The following ZNF749 variants were observed in gnomAD, a reference collection of about 807,000 sequenced individuals.
ZNF749 encodes the protein zinc finger protein 749.
In ZNF749, 8 loss-of-function variants were observed where a neutral mutation model predicts 7.3. That is an observed-to-expected ratio of 1.10 (90% CI 0.64 to 1.98). The LOEUF (loss-of-function observed/expected upper bound fraction) is 1.98. Ranked by LOEUF, ZNF749 falls within the 30% of genes most tolerant of loss-of-function variation. The pLI is 0.00. For missense variants in ZNF749, 898 were observed against 932.4 expected (o/e 0.96, Z 0.48); for synonymous variants, 310 against 322.4 (o/e 0.96, Z 0.41).
chr19:57,431,470 C>T (rs968330456), upstream of ZNF749, among the ~76,000 whole-genome samples: 6 of 151,992 alleles, frequency 3.9e-5, no homozygotes, highest in African/African-American at 1.2e-4. Context: ...GGAAAGGAGA[C>T]GATTTCAATT....
chr19:57,430,817 A>G (rs534425039), upstream of ZNF749, among the ~76,000 whole-genome samples: 1 of 152,256 alleles, frequency 6.6e-6, no homozygotes, highest in East Asian at 1.9e-4. Context: ...CAAGGTGGGC[A>G]GATCACGAGG....
rs746792824 is a variant in ZNF749 at position 57,444,664 on chromosome 19, A to G, written c.1516A>G (p.Thr506Ala). The G allele has an allele frequency of 6.2e-7, 1 of 1,613,472 alleles. No individual in the cohort carries two copies. Among genetic ancestry groups the G allele is most frequent in the Admixed American group, 1.7e-5 (1 of 59,912 alleles). Residue 506 changes from threonine (T) to alanine (A), a missense_variant, in exon 3 of 3, where the codon ACT (threonine) becomes GCT (alanine). Physicochemically the swap from Thr to Ala is moderately conservative, Grantham distance 58 (BLOSUM62 0). Transcript: ENST00000334181. ...AHLVGHQKIH[T>A]GERPYECTQC... ...TCTGGTTGGTCACCAGAAAATCCATACTGGAGAACGGCCTTATGAATGCAC... is the reference window on the plus strand; with the variant it reads ...TCTGGTTGGTCACCAGAAAATCCATGCTGGAGAACGGCCTTATGAATGCAC...
chr19:57,445,304 C>A lies in ZNF749; in HGVS notation c.2156C>A (p.Thr719Asn). 2 of 1,613,884 alleles carry A rather than the reference C, an allele frequency of 1.2e-6. No individual in the cohort carries two copies. Among genetic ancestry groups the A allele is most frequent in the African/African-American group, 2.7e-5 (2 of 75,012 alleles). Residue 719 changes from threonine (T) to asparagine (N), a missense_variant, in exon 3 of 3, where the codon ACT (threonine) becomes AAT (asparagine). Transcript: ENST00000334181. ...SSLIIHQQSHTGESPFKLREC... is the reference protein window; with the variant it reads ...SSLIIHQQSHNGESPFKLREC... ...CTTATTATACATCAGCAGTCTCACACTGGAGAAAGTCCTTTTAAGTTAAGG... is the reference window on the plus strand; with the variant it reads ...CTTATTATACATCAGCAGTCTCACAATGGAGAAAGTCCTTTTAAGTTAAGG...
rs757940280 is a variant in ZNF749 at position 57,444,035 on chromosome 19, C to A, written c.887C>A (p.Thr296Lys). The change falls in exon 3 of 3, where the codon ACA becomes AAA. Residue 296 changes from threonine to lysine, a missense_variant. Thr to Lys is a moderately conservative substitution (Grantham distance 78). Coordinates refer to ENST00000334181, the MANE Select transcript of ZNF749 (RefSeq NM_001023561.4). ...CATCAGGAGATTCTCAGTAGACCAA[C>A]ACCTTATGAATGCACCCAGTGTGGG... ...IEHQEILSRP[T>K]PYECTQCGKA... 4 of 1,613,956 alleles carry A rather than the reference C, an allele frequency of 2.5e-6. No homozygotes were observed. In the South Asian group the frequency reaches 3.3e-5, roughly 13 times the overall value.
rs144908106 is a variant in ZNF749 at position 57,446,368 on chromosome 19, G to C, written c.*883G>C. ...CTGTCCCTGATGCGTGGAAAAATTG[G>C]CTTCCATGAAACCAGTCCCTGGTGC... On this transcript the variant is annotated 3_prime_UTR_variant, in exon 3 of 3. Coordinates refer to ENST00000334181, the MANE Select transcript of ZNF749 (RefSeq NM_001023561.4). 0.02 allele frequency among the ~76,000 whole-genome samples: 3,081 copies of C among 152,212 alleles called. 35 individuals carry two copies. The highest frequency in any genetic ancestry group is 0.044 in the South Asian group (212 of 4,814).
the ZNF749 span, among the ~76,000 whole-genome samples, chr19:57,429,892 G>C: frequency 6.6e-6 from 1 of 152,132 alleles, no homozygotes; most frequent in Non-Finnish European, 1.5e-5. This position sits in a 1 kb window ranked among gnomAD's most constrained non-coding sequence, Gnocchi z 4.2. Flanking sequence ...GTGTTCTTCT[G>C]TTTCTTTTAA....
In ZNF749 at chr19:57,445,360, A is replaced by G. The variant is rs775393686; in HGVS notation, c.2212A>G (p.Thr738Ala). The G allele has an allele frequency of 6.2e-7, 1 of 1,613,800 alleles. No homozygotes were observed. Among genetic ancestry groups the G allele is most frequent in the Non-Finnish European group, 8.5e-7 (1 of 1,179,818 alleles). ...ECGKDFNKCN[T>A]GQRQKTHTGE... ...TGGGAAAGACTTCAACAAATGTAAT[A>G]CTGGTCAGCGCCAAAAAACTCACAC... is the stretch of plus-strand genomic sequence containing the variant. Residue 738 changes from threonine to alanine, a missense_variant, in exon 3 of 3, where the codon ACT (threonine) becomes GCT (alanine). Physicochemically the swap from Thr to Ala is moderately conservative, Grantham distance 58. Transcript: ENST00000334181.
In ZNF749 at chr19:57,445,248, A is replaced by G. The variant is rs774277400; in HGVS notation, c.2100A>G (p.Lys700=). Residue 700 remains lysine, a synonymous_variant, in exon 3 of 3, where the codon AAA becomes AAG. Coordinates refer to ENST00000334181, the MANE Select transcript of ZNF749 (RefSeq NM_001023561.4). ...CTGEKPHECS[K]CRELFRTKSS... ...GGGAGAAGCCTCATGAGTGCAGTAAATGTAGGGAATTGTTTAGGACTAAAT... is the reference window on the plus strand; with the variant it reads ...GGGAGAAGCCTCATGAGTGCAGTAAGTGTAGGGAATTGTTTAGGACTAAAT... 1.9e-6 allele frequency: 3 copies of G among 1,613,894 alleles called. No individual in the cohort carries two copies. Among genetic ancestry groups the G allele is most frequent in the African/African-American group, 1.3e-5 (1 of 74,932 alleles).
chr19:57,432,423 G>T (rs187572534), upstream of ZNF749, among the ~76,000 whole-genome samples: 447 of 151,616 alleles, frequency 2.9e-3, 1 homozygote, highest in Non-Finnish European at 4.8e-3. Flanking sequence ...TTAGCCAGGT[G>T]TGGTGGCACG....
chr19:57,443,078 T>C (rs2089009063), intron 2 of ZNF749, among the ~76,000 whole-genome samples: 1 of 152,120 alleles, frequency 6.6e-6, no homozygotes, highest in African/African-American at 2.4e-5. Context: ...GCATGGTACT[T>C]CTCCCTTGTG....
chr19:57,441,567 G>T (rs968097122), intron 1 of ZNF749, among the ~76,000 whole-genome samples: 1 of 152,078 alleles, frequency 6.6e-6, no homozygotes, highest in African/African-American at 2.4e-5. Flanking sequence ...ACTGTATTGG[G>T]GTTTTGGCAG....
chr19:57,429,145 C>T, the ZNF749 span, among the ~76,000 whole-genome samples: 42 of 152,264 alleles, frequency 2.8e-4, no homozygotes, highest in African/African-American at 9.9e-4. This position sits in a 1 kb window ranked among gnomAD's most constrained non-coding sequence, Gnocchi z 4.2. Flanking sequence ...CTGCCTTAGC[C>T]TCCTGAGTAG....
rs918619641 is a variant in ZNF749 at position 57,442,650 on chromosome 19, A to T, written c.142+639A>T. ...TCTATTAATGGCAAGAGACACTCAGAAGGACTTGGCCCTGGTGGGTGAAAG... is the reference window on the plus strand; with the variant it reads ...TCTATTAATGGCAAGAGACACTCAGTAGGACTTGGCCCTGGTGGGTGAAAG... On this transcript the variant is annotated intron_variant, in intron 2 of 2. Transcript: ENST00000334181. The surrounding 1 kb of genome is among the most constrained non-coding windows in gnomAD (Gnocchi z 6.6). 6.6e-6 allele frequency among the ~76,000 whole-genome samples: 1 copy of T among 152,158 alleles called. No individual in the cohort carries two copies. Among genetic ancestry groups the T allele is most frequent in the Non-Finnish European group, 1.5e-5 (1 of 68,036 alleles).
Position 57,435,533 on chromosome 19 carries a change from G to A in ZNF749, c.-46G>A, listed in dbSNP as rs754234448. On this transcript the variant is annotated 5_prime_UTR_variant, in exon 1 of 3. Coordinates refer to ENST00000334181, the MANE Select transcript of ZNF749 (RefSeq NM_001023561.4). ...CTCCGTCAGCGTCCAGGTGACCGCC[G>A]TTCCCGCCCCGCTCTTCCCTGGGTG... 2 of 1,588,024 alleles carry A rather than the reference G, an allele frequency of 1.3e-6. No individual in the cohort carries two copies. Among genetic ancestry groups the A allele is most frequent in the African/African-American group, 1.3e-5 (1 of 74,628 alleles).
upstream of ZNF749, among the ~76,000 whole-genome samples, chr19:57,430,805 G>A (rs1233073998): frequency 6.6e-6 from 1 of 152,132 alleles, no homozygotes; most frequent in Admixed American, 6.6e-5. Flanking sequence ...ACTTTGGGAG[G>A]CCAAGGTGGG....
Position 57,443,757 on chromosome 19 carries a change from A to G in ZNF749, c.609A>G (p.Lys203=). The change falls in exon 3 of 3, where the codon AAA becomes AAG. Residue 203 remains lysine (K), a synonymous_variant. Transcript: ENST00000334181. ...ATTTCAACTCCAGCCAAGGTGGGAAAGACTTTTGCCACCAACATGGGCTGT... is the reference window on the plus strand; with the variant it reads ...ATTTCAACTCCAGCCAAGGTGGGAAGGACTTTTGCCACCAACATGGGCTGT... ...QNDFNSSQGG[K]DFCHQHGLFE... 1 of 1,614,226 alleles carries G rather than the reference A, an allele frequency of 6.2e-7. No homozygotes were observed. The highest frequency in any genetic ancestry group is 2.2e-5 in the East Asian group (1 of 44,886).
Position 57,435,562 on chromosome 19 carries a change from T to C in ZNF749, c.-17T>C. 1 of 1,603,604 alleles carries C rather than the reference T, an allele frequency of 6.2e-7. No homozygotes were observed. Among genetic ancestry groups the C allele is most frequent in the Non-Finnish European group, 8.5e-7 (1 of 1,176,506 alleles). On this transcript the variant is annotated 5_prime_UTR_variant, in exon 1 of 3. Coordinates refer to ENST00000334181, the MANE Select transcript of ZNF749 (RefSeq NM_001023561.4). Reference sequence around the variant, plus strand: ...CCGCCCCGCTCTTCCCTGGGTGGACTGGAGGAGGCCGCGCCGATGAACCTG... The same window carrying C: ...CCGCCCCGCTCTTCCCTGGGTGGACCGGAGGAGGCCGCGCCGATGAACCTG...
In ZNF749 at chr19:57,435,350, C is replaced by G. The variant is rs944859513; in HGVS notation, c.-229C>G. 1.4e-5 allele frequency: 9 copies of G among 635,094 alleles called. No individual in the cohort carries two copies. The highest frequency in any genetic ancestry group is 2.5e-5 in the Non-Finnish European group (9 of 367,018). 39.3% of individuals were successfully genotyped at this position (635,094 alleles called of 1,614,324 possible). On this transcript the variant is annotated 5_prime_UTR_variant, in exon 1 of 3. Coordinates refer to ENST00000334181, the MANE Select transcript of ZNF749 (RefSeq NM_001023561.4). Reference sequence around the variant, plus strand: ...ACTTCTGGCGGCGCCCTCATGGTTGCGTTAGCATGGCTACCTAGGGATCTG... The same window carrying G: ...ACTTCTGGCGGCGCCCTCATGGTTGGGTTAGCATGGCTACCTAGGGATCTG...
chr19:57,443,280 T>C lies in ZNF749; in HGVS notation c.143-11T>C, dbSNP rs1405792429. On this transcript the variant is annotated splice_polypyrimidine_tract_variant and intron_variant, in intron 2 of 2. Coordinates refer to ENST00000334181, the MANE Select transcript of ZNF749 (RefSeq NM_001023561.4). ...TTCACGTGCACTTCACCAGCATTTC[T>C]GTTCTTACAGGTTGTTGGCATGGAG... is the stretch of plus-strand genomic sequence containing the variant. 7.6e-6 allele frequency: 12 copies of C among 1,583,568 alleles called. No individual in the cohort carries two copies. The East Asian group carries it at 2.7e-4, about 36-fold the overall frequency.
Sources: gnomAD v4.1 joint callset for allele counts (sites outside exome capture counted in the v4.1 genomes callset) on GRCh38, gnomAD v4.1.1 for gene constraint, Gnocchi (gnomAD v3.1) non-coding constraint, MANE v1.5 for transcripts, NCBI Gene and HGNC (gene_info 2026-07-23, HGNC 2026-07-21) for gene names.